The following LIMD1 variants were observed in gnomAD, a reference collection of about 807,000 sequenced individuals.
LIMD1 encodes the protein LIM domain containing 1.
LIMD1 carries 23 observed loss-of-function variants against 58.4 expected under a neutral mutation model. That is an observed-to-expected ratio of 0.39 (90% confidence interval 0.28 to 0.56). The LOEUF (loss-of-function observed/expected upper bound fraction) is 0.56, where lower values mean the gene tolerates loss of function less well. LIMD1 is among the 20% of genes least tolerant of loss of function. The pLI, the probability that LIMD1 is intolerant of heterozygous loss-of-function variation, is 0.57. For synonymous variants in LIMD1, 334 were observed against 345.5 expected (o/e 0.97, Z 0.37); for missense variants, 838 against 855.5 (o/e 0.98, Z 0.25).
At chr3:45,654,750 C>G (rs187232354) in intron 2 of LIMD1, among the ~76,000 whole-genome samples, 8 of 144,546 alleles carry the variant, frequency 5.5e-5, no homozygotes, top group African/African-American at 1.8e-4. Context: ...GAGGATTGCT[C>G]TAGCCCAGGA....
At chr3:45,603,322 C>T (rs1701434349) in intron 1 of LIMD1, among the ~76,000 whole-genome samples, 1 of 152,092 alleles carries the variant, frequency 6.6e-6, no homozygotes, top group African/African-American at 2.4e-5. Context: ...GTCTGTGTTC[C>T]CCAGAGGCAC....
intron 4 of LIMD1, among the ~76,000 whole-genome samples, chr3:45,668,609 C>T (rs1345427947): frequency 2.6e-5 from 4 of 151,970 alleles, no homozygotes; most frequent in Non-Finnish European, 5.9e-5. Context: ...AAAAATTTTC[C>T]GGGCGTGGTG....
In LIMD1 at chr3:45,677,039, C is replaced by T. The variant is rs769488673; in HGVS notation, c.2011C>T (p.Leu671Phe). Reference sequence around the variant, plus strand: ...GGAGAAGAGACCCTCATCTACAGCCCTTCACCAGCACCACTTCTAGCCAGA... The same window carrying T: ...GGAGAAGAGACCCTCATCTACAGCCTTTCACCAGCACCACTTCTAGCCAGA... Reference protein sequence around the residue: ...RLEKRPSSTALHQHHF With the variant: ...RLEKRPSSTAFHQHHF The change falls in exon 8 of 8, where the codon CTT becomes TTT. Residue 671 changes from leucine (L) to phenylalanine (F), a missense_variant. By Grantham distance (22) the Leu-to-Phe change is conservative. This residue lies in a region of LIMD1 where 174 missense variants were observed against 197.4 expected (regional missense o/e 0.88). Transcript: ENST00000273317. 11 of 1,613,840 alleles carry T rather than the reference C, an allele frequency of 6.8e-6. No homozygotes were observed. The African/African-American group carries it at 8.0e-5, about 12-fold the overall frequency.
intron 2 of LIMD1, among the ~76,000 whole-genome samples, chr3:45,660,406 T>G (rs1413017467): frequency 5.2e-5 from 1 of 19,224 alleles, no homozygotes; most frequent in Non-Finnish European, 1.0e-4. Context: ...GTGGGCTGTC[T>G]TTTTTTTTTT....
intron 1 of LIMD1, 96 bp downstream of exon 1, chr3:45,596,383 T>TA: frequency 1.0e-6 from 1 of 965,940 alleles, no homozygotes; most frequent in African/African-American, 1.7e-5. Flanking sequence ...GGGCTGTAGT[T>TA]ACCTCTCTTT....
rs995802658 is a variant in LIMD1 at position 45,682,639 on chromosome 3, T to A, written c.*5580T>A. ...TCCCTCATTTGATAGACAAGACAACTGAGACACAAAAGGGTGAAATAAACA... is the reference window on the plus strand; with the variant it reads ...TCCCTCATTTGATAGACAAGACAACAGAGACACAAAAGGGTGAAATAAACA... On this transcript the variant is annotated 3_prime_UTR_variant, in exon 8 of 8. Transcript: ENST00000273317. The A allele has an allele frequency of 6.6e-6, 1 of 152,278 alleles. No homozygotes were observed. The highest frequency in any genetic ancestry group is 1.5e-5 in the Non-Finnish European group (1 of 68,098). 9.4% of individuals were successfully genotyped at this position (152,278 alleles called of 1,614,324 possible).
chr3:45,595,474 A>G lies in LIMD1; in HGVS notation c.595A>G (p.Ser199Gly), dbSNP rs1559511063. 3 of 1,613,850 alleles carry G rather than the reference A, an allele frequency of 1.9e-6. No homozygotes were observed. Among genetic ancestry groups the G allele is most frequent in the Admixed American group, 3.3e-5 (2 of 60,002 alleles). Residue 199 changes from serine (S) to glycine (G), a missense_variant, in exon 1 of 8, where the codon AGC becomes GGC. Physicochemically the swap from Ser to Gly is moderately conservative, Grantham distance 56 (BLOSUM62 0). Around this residue, in one of 3 missense-constraint regions of LIMD1, gnomAD observed 659 missense variants for 639.8 expected, o/e 1.03. Coordinates refer to ENST00000273317, the MANE Select transcript of LIMD1 (RefSeq NM_014240.3). ...KWGDKPGVSPSIGLSVGSGWP... is the reference protein window; with the variant it reads ...KWGDKPGVSPGIGLSVGSGWP... ...GGGTGACAAACCAGGAGTGTCCCCCAGCATCGGCCTGAGTGTAGGGAGTGG... is the reference window on the plus strand; with the variant it reads ...GGGTGACAAACCAGGAGTGTCCCCCGGCATCGGCCTGAGTGTAGGGAGTGG...
Position 45,642,496 on chromosome 3 carries a change from A to G in LIMD1, c.1510+6245A>G, listed in dbSNP as rs1398154217. Among the ~76,000 whole-genome samples, 4 of 152,250 alleles carry G rather than the reference A, an allele frequency of 2.6e-5. 1 individual carries two copies. The highest frequency in any genetic ancestry group is 2.0e-4 in the Admixed American group (3 of 15,288). On this transcript the variant is annotated intron_variant, in intron 2 of 7. Transcript: ENST00000273317. ...CTGGCTGCTGCAAAGACAATTTTAA[A>G]GACAGAAACCTGTTATGTTAGCATT...
At chr3:45,613,989 A>T (rs758020034) in intron 1 of LIMD1, among the ~76,000 whole-genome samples, 2 of 151,968 alleles carry the variant, frequency 1.3e-5, no homozygotes, top group African/African-American at 2.4e-5. Context: ...CTGTTTTTAG[A>T]ATTTCTTGGG....
intron 1 of LIMD1, among the ~76,000 whole-genome samples, chr3:45,623,692 C>T (rs780928353): frequency 2.0e-5 from 3 of 152,066 alleles, no homozygotes; most frequent in Admixed American, 6.6e-5. Flanking sequence ...TACCCATTGA[C>T]GTGAGAGCTG....
At chr3:45,669,206 A>G (rs1298649842) in intron 4 of LIMD1, among the ~76,000 whole-genome samples, 2 of 152,090 alleles carry the variant, frequency 1.3e-5, no homozygotes, top group East Asian at 1.9e-4. Context: ...AGTGGGGACA[A>G]TTTTTCCCTA....
intron 1 of LIMD1, among the ~76,000 whole-genome samples, chr3:45,611,239 T>C (rs564220456): frequency 1.4e-4 from 22 of 152,304 alleles, no homozygotes; most frequent in African/African-American, 4.6e-4. Flanking sequence ...GGAGGCTGAT[T>C]TCATGATTGC....
chr3:45,635,732 CAAAAAAAAAAAAAAAAA>C (rs71095045), intron 1 of LIMD1, among the ~76,000 whole-genome samples: 9 of 73,798 alleles, frequency 1.2e-4, no homozygotes, highest in South Asian at 6.6e-4. Context: ...ATCCCCGTCT[CAAAAAAAAAAAAAAAAA>C]AAAAAAAAAA....
rs144553158 is a variant in LIMD1 at position 45,594,751 on chromosome 3, C to T, written c.-129C>T. The T allele has an allele frequency of 2.3e-3, 1,824 of 787,524 alleles. 6 individuals are homozygous for T. The highest frequency in any genetic ancestry group is 3.0e-3 in the Non-Finnish European group (1,521 of 504,642). 48.8% of individuals were successfully genotyped at this position (787,524 alleles called of 1,614,324 possible). On this transcript the variant is annotated 5_prime_UTR_variant, in exon 1 of 8. Coordinates refer to ENST00000273317, the MANE Select transcript of LIMD1 (RefSeq NM_014240.3). ...ACTGGGCCGGACTTGAGCCCCGACC[C>T]TTCGCCAGCATCTCCCCGCTGCCCT...
chr3:45,636,187 T>A lies in LIMD1; in HGVS notation c.1446T>A (p.Ala482=). The A allele has an allele frequency of 6.2e-7, 1 of 1,613,192 alleles. No individual in the cohort carries two copies. The change falls in exon 2 of 8, where the codon GCT becomes GCA. Residue 482 remains alanine, a synonymous_variant. Coordinates refer to ENST00000273317, the MANE Select transcript of LIMD1 (RefSeq NM_014240.3). The part of the protein sequence containing the change: ...CVKCSKGVFG[A]GQACQAMGNL... ...AATGCAGCAAAGGGGTGTTTGGGGC[T>A]GGCCAGGCCTGTCAGGCCATGGGGA...
chr3:45,655,673 C>T (rs1003972831), intron 2 of LIMD1, among the ~76,000 whole-genome samples: 27 of 152,184 alleles, frequency 1.8e-4, no homozygotes, highest in African/African-American at 6.3e-4. Context: ...TCAACAAACT[C>T]ACCTGGTGGT....
chr3:45,662,238 AGTTT>A (rs1047258373), intron 2 of LIMD1, among the ~76,000 whole-genome samples: 19 of 151,558 alleles, frequency 1.3e-4, no homozygotes, highest in African/African-American at 4.6e-4. Context: ...TGTTTGCTCT[AGTTT>A]GTTATTGCCT....
intron 2 of LIMD1, among the ~76,000 whole-genome samples, chr3:45,637,991 T>C (rs1449807366): frequency 6.6e-6 from 1 of 151,248 alleles, no homozygotes; most frequent in Non-Finnish European, 1.5e-5. Context: ...GTCTTTGAGC[T>C]ATGTTGCACT....
intron 1 of LIMD1, among the ~76,000 whole-genome samples, chr3:45,633,777 C>T (rs1253244051): frequency 1.3e-5 from 2 of 152,220 alleles, no homozygotes; most frequent in Admixed American, 1.3e-4. Flanking sequence ...GAGGGGCTTT[C>T]TCCTTAAACC....
Sources: allele counts gnomAD v4.1 joint callset (sites outside exome capture counted in the v4.1 genomes callset), GRCh38; gene constraint gnomAD v4.1.1; regional missense constraint gnomAD v4.1.1; transcripts MANE v1.5; gene names NCBI Gene and HGNC (gene_info 2026-07-23, HGNC 2026-07-21).